The following SDSL variants were observed in gnomAD, a reference collection of about 807,000 sequenced individuals.
SDSL encodes serine dehydratase like, also known as serine dehydratase-like.
Under a neutral mutation model 27.6 loss-of-function variants are expected in SDSL, and 26 were observed. The ratio of observed to expected loss-of-function variants is 0.94; its 90% CI spans 0.69 to 1.31. The LOEUF (loss-of-function observed/expected upper bound fraction) is 1.31. Ranked by LOEUF, SDSL falls within the 50% of genes most tolerant of loss-of-function variation. The probability of loss-of-function intolerance (pLI) is 0.00; values close to 1 mark genes in which losing one functional copy is unlikely to be tolerated. For synonymous variants in SDSL, 196 were observed against 180.6 expected (o/e 1.09, Z -0.69); for missense variants, 431 against 423.5 (o/e 1.02, Z -0.16).
At chr12:113,425,951 T>C in intron 1 of SDSL, 1 of 370,188 alleles carries the variant, frequency 2.7e-6, no homozygotes, top group Non-Finnish European at 5.4e-6. Context: ...ATTGCACCAC[T>C]GCACTCCAGC....
intron 4 of SDSL, 112 bp downstream of exon 4, chr12:113,429,411 C>A: frequency 8.3e-7 from 1 of 1,207,512 alleles, no homozygotes; most frequent in Non-Finnish European, 1.2e-6. Context: ...GGCTGGGACC[C>A]AGTCCTCTCT....
chr12:113,435,383 A>G lies in SDSL; in HGVS notation c.498A>G (p.Pro166=). ...QELKAVLRTP[P]GALVLAVGGG... ...TGAAAGCAGTGCTGAGGACCCCACC[A>G]GGTGCCCTGGTGCTGGCAGTTGGGG... Residue 166 remains proline (P), a synonymous_variant, in exon 6 of 8, where the codon CCA becomes CCG. Coordinates refer to ENST00000403593, the MANE Select transcript of SDSL (RefSeq NM_001304993.2). 1.9e-6 allele frequency: 3 copies of G among 1,605,360 alleles called. No homozygotes were observed. The highest frequency in any genetic ancestry group is 2.6e-6 in the Non-Finnish European group (3 of 1,176,086).
intron 4 of SDSL, among the ~76,000 whole-genome samples, chr12:113,432,249 TTTCTTTC>T (rs1957934770): frequency 7.1e-6 from 1 of 141,548 alleles, no homozygotes; most frequent in Non-Finnish European, 1.5e-5. Context: ...TCTTTCTTTC[TTTCTTTC>T]TTTCTTTCTT....
intron 4 of SDSL, among the ~76,000 whole-genome samples, chr12:113,432,249 TTTC>T (rs1957934741): frequency 2.8e-5 from 4 of 141,642 alleles, no homozygotes; most frequent in South Asian, 2.3e-4. Flanking sequence ...TCTTTCTTTC[TTTC>T]TTTCTTTCTT....
intron 7 of SDSL, among the ~76,000 whole-genome samples, chr12:113,437,437 G>A (rs1448207859): frequency 6.6e-6 from 1 of 152,152 alleles, no homozygotes; most frequent in East Asian, 1.9e-4. Flanking sequence ...ATGGACAGTG[G>A]ATGGATGGAC....
At position 113,436,728 on chromosome 12, in the gene SDSL, C is replaced by G. The variant is rs372814242; in HGVS notation, c.672-23C>G. 45 of 1,568,904 alleles carry G rather than the reference C, an allele frequency of 2.9e-5. No homozygotes were observed. In the South Asian group the frequency reaches 5.2e-4, roughly 18 times the overall value. The stretch of plus-strand genomic sequence containing the variant: ...CTTCCCTGAGCCCCTGGTCTCCCTG[C>G]CCCACCCTGCTCTATCCTGCAGTGT... On this transcript the variant is annotated intron_variant, in intron 6 of 7. Transcript: ENST00000403593.
intron 4 of SDSL, among the ~76,000 whole-genome samples, chr12:113,432,169 G>A (rs1957929531): frequency 6.6e-6 from 1 of 152,028 alleles, no homozygotes; most frequent in African/African-American, 2.4e-5. Context: ...AGGATTACAG[G>A]TGTGAACCAC....
At chr12:113,430,041 C>T (rs980394404) in intron 4 of SDSL, among the ~76,000 whole-genome samples, 1 of 145,990 alleles carries the variant, frequency 6.8e-6, no homozygotes, top group African/African-American at 2.5e-5. Flanking sequence ...TTCTTTTCTC[C>T]TTCCTTCCTT....
At chr12:113,436,429 C>T (rs772904159) in intron 6 of SDSL, among the ~76,000 whole-genome samples, 4 of 152,086 alleles carry the variant, frequency 2.6e-5, no homozygotes, top group Non-Finnish European at 4.4e-5. Context: ...GTTGGGATTA[C>T]AGGCATGCAC....
chr12:113,434,314 C>T, intron 5 of SDSL, 92 bp downstream of exon 5: 6 of 968,578 alleles, frequency 6.2e-6, no homozygotes, highest in Non-Finnish European at 9.2e-6. Flanking sequence ...GAAACTGAGG[C>T]CCAGAGGGGA....
At chr12:113,436,917 A>G in intron 7 of SDSL, 42 bp downstream of exon 7, 1 of 1,504,092 alleles carries the variant, frequency 6.6e-7, no homozygotes, top group Non-Finnish European at 8.9e-7. Flanking sequence ...GAGACCCACG[A>G]AGTCCCTGCA....
At chr12:113,426,042 G>A (rs1237027791) in intron 1 of SDSL, 1 of 399,322 alleles carries the variant, frequency 2.5e-6, no homozygotes, top group South Asian at 1.8e-5. Context: ...CCTCCCAATG[G>A]CTTTCCATTG....
At chr12:113,435,641 C>T (rs1053423353) in intron 6 of SDSL, 85 bp downstream of exon 6, 7 of 1,148,870 alleles carry the variant, frequency 6.1e-6, no homozygotes, top group South Asian at 3.1e-5. Context: ...CCGGTGGAGA[C>T]GGGGGCACCC....
At chr12:113,425,091 C>A (rs1018909045) in intron 1 of SDSL, among the ~76,000 whole-genome samples, 27 of 152,202 alleles carry the variant, frequency 1.8e-4, no homozygotes, top group African/African-American at 6.5e-4. Context: ...TGTTTTTATC[C>A]CCATTTTAGA....
chr12:113,433,555 CT>C (rs1234629499), intron 4 of SDSL, among the ~76,000 whole-genome samples: 2 of 152,286 alleles, frequency 1.3e-5, no homozygotes, highest in South Asian at 4.1e-4. Flanking sequence ...GGAAGAAAGC[CT>C]GTCAATGGTG....
At position 113,438,073 on chromosome 12, in the gene SDSL, G is replaced by C; in HGVS notation, c.984G>C (p.Gln328His). 6.2e-7 allele frequency: 1 copy of C among 1,613,086 alleles called. No homozygotes were observed. Among genetic ancestry groups the C allele is most frequent in the Non-Finnish European group, 8.5e-7 (1 of 1,179,526 alleles). The change falls in exon 8 of 8, where the codon CAG (glutamine) becomes CAC (histidine). Residue 328 changes from glutamine (Q) to histidine (H), a missense_variant. Coordinates refer to ENST00000403593, the MANE Select transcript of SDSL (RefSeq NM_001304993.2). ...AGGCTTTGAAAACCCACCTGGGCCA[G>C]GTCTGAGGGGTCCCATCCTGGCCCC... The part of the protein sequence containing the change: ...ELQALKTHLG[Q>H]V
At chr12:113,428,180 G>A (rs771847636) in intron 2 of SDSL, 24 bp downstream of exon 2, 7 of 1,588,036 alleles carry the variant, frequency 4.4e-6, no homozygotes, top group Admixed American at 3.5e-5. Context: ...GGAAGGAGGG[G>A]AGAAGTGAGG....
At chr12:113,433,708 C>T (rs1055868400) in intron 4 of SDSL, among the ~76,000 whole-genome samples, 1 of 152,190 alleles carries the variant, frequency 6.6e-6, no homozygotes, top group Non-Finnish European at 1.5e-5. Flanking sequence ...TTGAACTCAA[C>T]TAGCAGGCCA....
At chr12:113,425,770 A>G (rs1957841486) in intron 1 of SDSL, 6 of 454,120 alleles carry the variant, frequency 1.3e-5, no homozygotes, top group Admixed American at 7.2e-5. Context: ...AGGTGGGCAG[A>G]TCACTTGAGC....
Sources: allele counts gnomAD v4.1 joint callset (sites outside exome capture counted in the v4.1 genomes callset), GRCh38; gene constraint gnomAD v4.1.1; transcripts MANE v1.5; gene names NCBI Gene and HGNC (gene_info 2026-07-23, HGNC 2026-07-21).